Variants in REV1 observed in about 807,000 individuals in gnomAD.
REV1 encodes REV1 DNA directed polymerase, also known as translesion synthesis protein REV1.
Under a neutral mutation model 137.4 loss-of-function variants are expected in REV1, and 42 were observed. The observed-to-expected ratio is 0.31, with a 90% CI of 0.24 to 0.40. The LOEUF (loss-of-function observed/expected upper bound fraction) is 0.40. REV1 is among the 10% of genes least tolerant of loss of function. The pLI is 1.00. For synonymous variants in REV1, 524 were observed against 519.2 expected (o/e 1.01, Z -0.12); for missense variants, 1,282 against 1,490.1 (o/e 0.86, Z 2.30).
intron 4 of REV1, 30 bp from the exon 5 acceptor site, chr2:99,442,499 T>A (rs767542367): frequency 1.2e-6 from 2 of 1,605,420 alleles, no homozygotes; most frequent in Admixed American, 1.7e-5. Context: ...CAATTTAGAG[T>A]TCCATACTTG....
intron 1 of REV1, among the ~76,000 whole-genome samples, chr2:99,466,867 T>G (rs1031449648): frequency 6.6e-6 from 1 of 152,190 alleles, no homozygotes; most frequent in South Asian, 2.1e-4. Context: ...CATGCTCTGT[T>G]AAATATTTCT....
At chr2:99,476,840 G>T (rs1686031973) in intron 1 of REV1, among the ~76,000 whole-genome samples, 1 of 152,182 alleles carries the variant, frequency 6.6e-6, no homozygotes, top group South Asian at 2.1e-4. Flanking sequence ...CCAGAAGTTG[G>T]CACCGTCCAT....
intron 17 of REV1, 109 bp from the exon 18 acceptor site, chr2:99,404,786 A>G (rs1378792501): frequency 7.7e-6 from 6 of 783,272 alleles, no homozygotes; most frequent in Non-Finnish European, 1.3e-5. Flanking sequence ...TGGATAATCA[A>G]TGTAAGGTAC....
intron 8 of REV1, among the ~76,000 whole-genome samples, chr2:99,432,289 T>G (rs533843496): frequency 3.4e-4 from 52 of 152,354 alleles, no homozygotes; most frequent in Middle Eastern, 3.4e-3. Context: ...TTTGTCCTAA[T>G]ACTTTGTCTA....
rs977916200 is a variant in REV1 at position 99,403,080 on chromosome 2, T to C, written c.3193A>G (p.Lys1065Glu). 2 of 1,610,722 alleles carry C rather than the reference T, an allele frequency of 1.2e-6. No individual in the cohort carries two copies. The stretch of plus-strand genomic sequence containing the variant: ...CTTTTCTTTTCTTTCACTGCTGCCT[T>C]TAGATGAAGTAAAGGATTCTTTGGC... ...SVPKNPLLHL[K>E]AAVKEKKRNK... The change falls in exon 20 of 23, where the codon AAG (lysine) becomes GAG (glutamate). Residue 1065 changes from lysine (K) to glutamate (E), a missense_variant. Coordinates refer to ENST00000258428, the MANE Select transcript of REV1 (RefSeq NM_016316.4).
At chr2:99,405,477 T>C (rs1676154057) in intron 17 of REV1, 1 of 154,360 alleles carries the variant, frequency 6.5e-6, no homozygotes, top group East Asian at 1.9e-4. Flanking sequence ...GGACCAGCAG[T>C]ATATCACATG....
Position 99,467,559 on chromosome 2 carries a change from G to T in REV1, c.-10-2574C>A, listed in dbSNP as rs978919594. Among the ~76,000 whole-genome samples the T allele has an allele frequency of 9.2e-5, 14 of 152,260 alleles. No homozygotes were observed. In the East Asian group the frequency reaches 2.3e-3, roughly 25 times the overall value. On this transcript the variant is annotated intron_variant, in intron 1 of 22. Transcript: ENST00000258428. ...CCTCTGAGAACATTTGGCAATCCTA[G>T]AAGAGTGGCTGGGAGACTGGGCAAA...
At chr2:99,412,147 C>T (rs28382944) in intron 13 of REV1, among the ~76,000 whole-genome samples, 3,999 of 149,658 alleles carry the variant, frequency 0.027, 99 homozygotes, top group Non-Finnish European at 0.037. Flanking sequence ...GCAGGAGAAT[C>T]TCTTGAATCT....
intron 3 of REV1, among the ~76,000 whole-genome samples, chr2:99,454,796 A>G (rs1308627954): frequency 6.6e-6 from 1 of 152,184 alleles, no homozygotes; most frequent in Non-Finnish European, 1.5e-5. Context: ...ATTTTGCAGA[A>G]CATTCTATAT....
chr2:99,424,787 T>A (rs1349075237), intron 9 of REV1: 7 of 1,304,006 alleles, frequency 5.4e-6, no homozygotes, highest in East Asian at 5.5e-5. Context: ...CAATTCCCAA[T>A]TGACCAATTC....
intron 16 of REV1, 25 bp downstream of exon 16, chr2:99,406,300 A>C: frequency 6.3e-7 from 1 of 1,582,886 alleles, no homozygotes; most frequent in Non-Finnish European, 8.6e-7. Context: ...GCACCTAAAA[A>C]AGAACCACAT....
chr2:99,401,475 TG>T, intron 22 of REV1, 123 bp from the exon 23 acceptor site: 1 of 588,632 alleles, frequency 1.7e-6, no homozygotes. Context: ...CCAGGTGCGG[TG>T]TGGCTCATGC....
rs1676754512 is a variant in REV1 at position 99,409,179 on chromosome 2, A to T, written c.2346-1048T>A. Among the ~76,000 whole-genome samples, 6 of 152,268 alleles carry T rather than the reference A, an allele frequency of 3.9e-5. No homozygotes were observed. The South Asian group carries it at 1.2e-3, about 31-fold the overall frequency. ...ACTATTTGAGATACATGTGTATCAT[A>T]ACAGGTAGGTAAATATAATTCAAGA... On this transcript the variant is annotated intron_variant, in intron 14 of 22. Coordinates refer to ENST00000258428, the MANE Select transcript of REV1 (RefSeq NM_016316.4).
intron 13 of REV1, among the ~76,000 whole-genome samples, chr2:99,411,538 C>G (rs964649390): frequency 1.3e-5 from 2 of 151,306 alleles, no homozygotes; most frequent in Admixed American, 6.6e-5. Context: ...TCCCGAGTAG[C>G]TAGGATTGCA....
intron 1 of REV1, among the ~76,000 whole-genome samples, chr2:99,466,649 T>C (rs1397314204): frequency 2.0e-5 from 3 of 152,244 alleles, no homozygotes; most frequent in African/African-American, 7.2e-5. Context: ...CCTTAAAAGA[T>C]GCCTAAAAGA....
chr2:99,401,466 C>T, intron 22 of REV1, 114 bp from the exon 23 acceptor site: 1 of 656,428 alleles, frequency 1.5e-6, no homozygotes, highest in Admixed American at 3.0e-5. Flanking sequence ...AAGTCCTGGC[C>T]AGGTGCGGTG....
chr2:99,429,604 T>C (rs1011020378), intron 9 of REV1, among the ~76,000 whole-genome samples: 1 of 152,142 alleles, frequency 6.6e-6, no homozygotes, highest in African/African-American at 2.4e-5. Context: ...CCAATTTCTT[T>C]TGGTTCCTAC....
chr2:99,405,223 C>T (rs1183913300), intron 17 of REV1: 3 of 155,836 alleles, frequency 1.9e-5, no homozygotes, highest in Non-Finnish European at 2.8e-5. Flanking sequence ...TTGGCCAGGG[C>T]CTACCTGTGC....
intron 4 of REV1, among the ~76,000 whole-genome samples, chr2:99,446,529 C>G (rs1200676353): frequency 6.6e-6 from 1 of 152,134 alleles, no homozygotes; most frequent in Non-Finnish European, 1.5e-5. Flanking sequence ...CAGTCTCGCT[C>G]TACCACCCAG....
Sources: gnomAD v4.1 joint callset for allele counts (sites outside exome capture counted in the v4.1 genomes callset) on GRCh38, gnomAD v4.1.1 for gene constraint, MANE v1.5 for transcripts, NCBI Gene and HGNC (gene_info 2026-07-23, HGNC 2026-07-21) for gene names.